Variants in DNAH3 observed in about 807,000 individuals in gnomAD.
DNAH3 encodes axonemal beta dynein heavy chain 3.
A neutral mutation model predicts 432.5 loss-of-function variants in DNAH3; 332 were observed. That is an observed-to-expected ratio of 0.77 (90% CI 0.70 to 0.84). The LOEUF is 0.84. Ranked by LOEUF, DNAH3 falls within the 40% of genes least tolerant of loss-of-function variation. DNAH3 has a pLI of 0.00. For synonymous variants in DNAH3, 1,956 were observed against 1,900.2 expected (o/e 1.03, Z -0.76); for missense variants, 4,861 against 5,114.0 (o/e 0.95, Z 1.51).
intron 54 of DNAH3, among the ~76,000 whole-genome samples, chr16:20,956,004 T>C (rs1325456941): frequency 6.6e-6 from 1 of 152,072 alleles, no homozygotes; most frequent in Non-Finnish European, 1.5e-5. Context: ...CTCGGCTCAC[T>C]GCAACCTCCA....
At chr16:21,092,797 G>T (rs1402391712) in intron 18 of DNAH3, among the ~76,000 whole-genome samples, 1 of 144,606 alleles carries the variant, frequency 6.9e-6, no homozygotes, top group Non-Finnish European at 1.5e-5. Context: ...ACAAAAACCT[G>T]AAACTTAAAA....
rs781116252 is a variant in DNAH3, at chr16:21,049,572, G to A, written c.4458C>T (p.Ile1486=). The A allele has an allele frequency of 1.8e-5, 29 of 1,613,636 alleles. 1 individual carries two copies. In the South Asian group the frequency reaches 2.1e-4, roughly 12 times the overall value. Residue 1486 remains isoleucine, a synonymous_variant, in exon 31 of 62, where the codon ATC becomes ATT. Coordinates refer to ENST00000261383, the Ensembl canonical transcript of DNAH3. ...TGCAGCCTAGAGGCAGAGTTACCTC[G>A]ATCCTGTTGAACTCATCAAAGCACG...
At chr16:21,103,309 G>GA (rs201642545) in intron 16 of DNAH3, among the ~76,000 whole-genome samples, 1 of 97,178 alleles carries the variant, frequency 1.0e-5, no homozygotes. Flanking sequence ...AAAACCTATG[G>GA]AAAAAAAATC....
chr16:21,060,229 AG>A, intron 26 of DNAH3, 34 bp downstream of exon 26: 1 of 1,522,416 alleles, frequency 6.6e-7, no homozygotes, highest in East Asian at 2.2e-5. Context: ...TTAGTGCACT[AG>A]TGTCCTGGCA....
At chr16:21,126,367 T>C (rs2092446656) in intron 8 of DNAH3, among the ~76,000 whole-genome samples, 3 of 152,110 alleles carry the variant, frequency 2.0e-5, no homozygotes, top group Admixed American at 6.6e-5. Flanking sequence ...AGGTATGAGA[T>C]TTATTGAGCA....
At chr16:20,998,366 G>A (rs2086855613) in intron 43 of DNAH3, among the ~76,000 whole-genome samples, 1 of 152,112 alleles carries the variant, frequency 6.6e-6, no homozygotes. Flanking sequence ...TGGTCCTCCT[G>A]CCTCAGCCTC....
intron 16 of DNAH3, 142 bp from the exon 17 acceptor site, chr16:21,098,911 A>C: frequency 1.3e-6 from 1 of 792,800 alleles, no homozygotes; most frequent in South Asian, 2.1e-5. Flanking sequence ...TCCCAACTCC[A>C]TCTTTCTCTC....
At chr16:21,114,960 C>A (rs899244536) in intron 12 of DNAH3, among the ~76,000 whole-genome samples, 1 of 152,176 alleles carries the variant, frequency 6.6e-6, no homozygotes, top group African/African-American at 2.4e-5. Context: ...TATTGTGGCA[C>A]TATTCACAAT....
chr16:20,994,340 G>C (rs569446614), intron 44 of DNAH3, among the ~76,000 whole-genome samples: 1 of 152,302 alleles, frequency 6.6e-6, no homozygotes, highest in Admixed American at 6.5e-5. Flanking sequence ...ACTGAGGCAA[G>C]AGAATCACTT....
chr16:21,015,562 A>G (rs2152705974), intron 41 of DNAH3, among the ~76,000 whole-genome samples: 1 of 152,354 alleles, frequency 6.6e-6, no homozygotes, highest in Non-Finnish European at 1.5e-5. Context: ...AACTTTGTTC[A>G]TAATAATTTA....
chr16:21,009,500 A>T (rs1246709467), intron 41 of DNAH3, among the ~76,000 whole-genome samples: 1 of 152,236 alleles, frequency 6.6e-6, no homozygotes, highest in East Asian at 1.9e-4. Context: ...TAAAAGACTG[A>T]ATTGGTAAAA....
At chr16:20,977,341 C>A (rs953348203) in intron 50 of DNAH3, among the ~76,000 whole-genome samples, 1 of 152,152 alleles carries the variant, frequency 6.6e-6, no homozygotes, top group Non-Finnish European at 1.5e-5. Context: ...TGCACCACTG[C>A]ACTCCAGCCT....
chr16:21,130,180 C>T (rs1472924661), intron 7 of DNAH3: 1 of 150,540 alleles, frequency 6.6e-6, no homozygotes, highest in Non-Finnish European at 1.5e-5. Context: ...TATTTTCTAT[C>T]TTATGCTTGA....
exon 48 of DNAH3, chr16:20,985,647 A>G: frequency 6.2e-7 from 1 of 1,614,150 alleles, no homozygotes; most frequent in Non-Finnish European, 8.5e-7. Flanking sequence ...GCTTGAAATA[A>G]TCTCCAAAGA....
At chr16:21,153,353 G>A (rs1157043088) in intron 1 of DNAH3, among the ~76,000 whole-genome samples, 3 of 152,068 alleles carry the variant, frequency 2.0e-5, no homozygotes, top group African/African-American at 7.2e-5. Flanking sequence ...TTCTGGTGGG[G>A]CCTTGGAGAA....
chr16:21,021,478 A>G lies in DNAH3; in HGVS notation c.5776+493T>C, dbSNP rs535084341. 3.0e-3 allele frequency among the ~76,000 whole-genome samples: 453 copies of G among 152,270 alleles called. 12 individuals are homozygous for G. Among genetic ancestry groups the G allele is most frequent in the Middle Eastern group, 0.01 (3 of 294 alleles). ...GCACTAGAATACCACCCAAAAATCAATGTCAGACAAAGACTAAACACATGG... is the reference window on the plus strand; with the variant it reads ...GCACTAGAATACCACCCAAAAATCAGTGTCAGACAAAGACTAAACACATGG... On this transcript the variant is annotated intron_variant, in intron 40 of 61. Coordinates refer to ENST00000261383, the Ensembl canonical transcript of DNAH3.
At chr16:20,982,005 AATATATATAAT>A (rs902054907) in intron 49 of DNAH3, among the ~76,000 whole-genome samples, 39 of 146,288 alleles carry the variant, frequency 2.7e-4, no homozygotes, top group African/African-American at 8.7e-4. Flanking sequence ...TATAATATAT[AATATATATAAT>A]TAAGTATATA....
chr16:20,975,172 TG>T (rs1438261663), intron 51 of DNAH3, 60 bp downstream of exon 51: 1 of 1,570,350 alleles, frequency 6.4e-7, no homozygotes, highest in African/African-American at 1.4e-5. Flanking sequence ...ATCCGTAAGA[TG>T]GGTATAACCA....
chr16:20,975,506 A>G, intron 50 of DNAH3, 91 bp from the exon 51 acceptor site: 1 of 1,272,890 alleles, frequency 7.9e-7, no homozygotes, highest in East Asian at 2.3e-5. Context: ...CCTATGACAT[A>G]AGCAGAAAAT....
Sources: gnomAD v4.1 joint callset for allele counts (sites outside exome capture counted in the v4.1 genomes callset) on GRCh38, gnomAD v4.1.1 for gene constraint, MANE v1.5 for transcripts, NCBI Gene and HGNC (gene_info 2026-07-23, HGNC 2026-07-21) for gene names.